MPPED1: variants seen among roughly 807,000 people sequenced by gnomAD.
MPPED1 encodes metallophosphoesterase domain-containing protein 1.
A neutral mutation model predicts 36.2 loss-of-function variants in MPPED1; 16 were observed. The ratio of observed to expected loss-of-function variants is 0.44; its 90% confidence interval spans 0.30 to 0.67. The LOEUF (loss-of-function observed/expected upper bound fraction) is 0.67, where lower values mean the gene tolerates loss of function less well. MPPED1 is among the 30% of genes least tolerant of loss of function. The pLI is 0.10. For missense variants in MPPED1, 307 were observed against 453.4 expected (o/e 0.68, Z 2.93); for synonymous variants, 199 against 191.3 (o/e 1.04, Z -0.33).
chr22:43,495,723 A>T (rs1184564297), intron 4 of MPPED1, among the ~76,000 whole-genome samples: 1 of 8,520 alleles, frequency 1.2e-4, no homozygotes, highest in Non-Finnish European at 1.8e-4. Flanking sequence ...GTGGTGGTGG[A>T]GGTGGTGGTG....
In MPPED1 at chr22:43,474,080, A is replaced by G. The variant is rs544715942; in HGVS notation, c.407-656A>G. 8.5e-5 allele frequency among the ~76,000 whole-genome samples: 13 copies of G among 152,320 alleles called. No homozygotes were observed. The highest frequency in any genetic ancestry group is 2.9e-4 in the African/African-American group (12 of 41,588). ...ATGTTTCCTGAGTGTGGGGTCTCCAAACATTTGAACTGGGCTCTGCAAAGA... is the reference window on the plus strand; with the variant it reads ...ATGTTTCCTGAGTGTGGGGTCTCCAGACATTTGAACTGGGCTCTGCAAAGA... On this transcript the variant is annotated intron_variant, in intron 3 of 6. Transcript: ENST00000443721. The surrounding 1 kb of genome is among the most constrained non-coding windows in gnomAD (Gnocchi z 5.2).
intron 3 of MPPED1, among the ~76,000 whole-genome samples, chr22:43,457,831 T>A (rs548547772): frequency 1.3e-5 from 2 of 152,352 alleles, no homozygotes; most frequent in Admixed American, 1.3e-4. Flanking sequence ...ATTATTGTCA[T>A]ACAAATTACA....
Position 43,505,792 on chromosome 22 carries a change from C to T in MPPED1, c.*176C>T. 1.7e-6 allele frequency: 1 copy of T among 588,078 alleles called. No homozygotes were observed. The highest frequency in any genetic ancestry group is 3.0e-6 in the Non-Finnish European group (1 of 328,616). 36.4% of individuals were successfully genotyped at this position (588,078 alleles called of 1,614,324 possible). A position where few individuals can be genotyped will look rare whatever the true frequency, so the allele number is the denominator to read the frequency against. On this transcript the variant is annotated 3_prime_UTR_variant, in exon 7 of 7. Coordinates refer to ENST00000443721, the MANE Select transcript of MPPED1 (RefSeq NM_001044370.2). ...GCCTTCTGTCACCTGGAGTTGGGAC[C>T]CTGCGCATCCCCATCAGGGGTTCTG...
At chr22:43,467,756 G>A (rs1459159593) in intron 3 of MPPED1, among the ~76,000 whole-genome samples, 1 of 152,158 alleles carries the variant, frequency 6.6e-6, no homozygotes, top group Non-Finnish European at 1.5e-5. Context: ...ATGGGCGGAA[G>A]AAGCCATAAG....
chr22:43,455,335 C>T (rs1224440091), intron 3 of MPPED1, among the ~76,000 whole-genome samples: 1 of 152,182 alleles, frequency 6.6e-6, no homozygotes, highest in Non-Finnish European at 1.5e-5. Context: ...GTCTCAAACT[C>T]CTGACCTCAG....
chr22:43,490,085 G>C (rs1278877734), intron 4 of MPPED1, among the ~76,000 whole-genome samples: 5 of 152,198 alleles, frequency 3.3e-5, no homozygotes, highest in Non-Finnish European at 5.9e-5. Flanking sequence ...GCAGAACTGG[G>C]GTGTCCGATG....
intron 5 of MPPED1, among the ~76,000 whole-genome samples, chr22:43,500,211 G>GTGGTGGTGATGGTGGTGGTGGTGA (rs1569091732): frequency 4.4e-5 from 2 of 45,284 alleles, no homozygotes; most frequent in Non-Finnish European, 9.8e-5. Flanking sequence ...AATGGAGGTG[G>GTGGTGGTGATGGTGGTGGTGGTGA]TGGGGGTGAT....
At chr22:43,435,368 G>A (rs1929921495) in intron 3 of MPPED1, among the ~76,000 whole-genome samples, 153 bp downstream of exon 3, 1 of 152,184 alleles carries the variant, frequency 6.6e-6, no homozygotes, top group South Asian at 2.1e-4. Context: ...ACCTCTCAGA[G>A]CAGGTGCCCC....
chr22:43,416,676 T>C (rs1929085128), intron 1 of MPPED1: 1 of 152,212 alleles, frequency 6.6e-6, no homozygotes, highest in South Asian at 2.1e-4. Flanking sequence ...TTCAACTCCA[T>C]AGATACGTGA....
At chr22:43,462,136 G>A (rs1930977425) in intron 3 of MPPED1, among the ~76,000 whole-genome samples, 1 of 152,162 alleles carries the variant, frequency 6.6e-6, no homozygotes, top group Non-Finnish European at 1.5e-5. Context: ...CCTTAATTGT[G>A]GCCCAGTTTG....
intron 5 of MPPED1, among the ~76,000 whole-genome samples, chr22:43,501,488 C>T (rs116225135): frequency 0.029 from 4,377 of 152,258 alleles, 213 homozygotes; most frequent in African/African-American, 0.1. Flanking sequence ...ACACACCGCC[C>T]GGCTCCTGTC....
At chr22:43,425,716 C>A (rs1929444933) in intron 2 of MPPED1, among the ~76,000 whole-genome samples, 1 of 152,260 alleles carries the variant, frequency 6.6e-6, no homozygotes, top group Non-Finnish European at 1.5e-5. Context: ...GGACACCAGT[C>A]TTGGGCTCTT....
Position 43,425,122 on chromosome 22 carries a change from A to G in MPPED1, c.137A>G (p.Glu46Gly), listed in dbSNP as rs897129915. The G allele has an allele frequency of 3.1e-6, 5 of 1,613,630 alleles. No individual in the cohort carries two copies. Among genetic ancestry groups the G allele is most frequent in the Non-Finnish European group, 4.2e-6 (5 of 1,179,860 alleles). ...CACCAGCACAGCCGGCTCATCATCGAGGTGGACGAGTACAGCTCCAACCCC... is the reference window on the plus strand; with the variant it reads ...CACCAGCACAGCCGGCTCATCATCGGGGTGGACGAGTACAGCTCCAACCCC... ...RRHQHSRLII[E>G]VDEYSSNPTQ... is the part of the protein sequence containing the mutation. The change falls in exon 2 of 7, where the codon GAG becomes GGG. Residue 46 changes from glutamate (E) to glycine (G), a missense_variant. Transcript: ENST00000443721.
At chr22:43,495,485 G>GTGGTGA (rs1932253826) in intron 4 of MPPED1, among the ~76,000 whole-genome samples, 1 of 32,404 alleles carries the variant, frequency 3.1e-5, no homozygotes, top group African/African-American at 3.4e-4. Context: ...GGAGGTGGTG[G>GTGGTGA]TGGAGGTAGT....
chr22:43,433,454 G>A (rs1038053918), intron 2 of MPPED1, among the ~76,000 whole-genome samples: 15 of 119,834 alleles, frequency 1.3e-4, no homozygotes, highest in African/African-American at 4.6e-4. Context: ...GAATGAGTGA[G>A]TGAATGAGTG....
chr22:43,448,571 A>T (rs537455839), intron 3 of MPPED1, among the ~76,000 whole-genome samples: 1 of 145,996 alleles, frequency 6.8e-6, no homozygotes, highest in African/African-American at 2.6e-5. Flanking sequence ...AGGCTCTTTT[A>T]AAATCTTTTT....
At chr22:43,423,338 T>A (rs1601946131) in intron 1 of MPPED1, among the ~76,000 whole-genome samples, 1 of 152,198 alleles carries the variant, frequency 6.6e-6, no homozygotes. Context: ...GGGCAGCAGT[T>A]ACAGACAAGA....
intron 1 of MPPED1, among the ~76,000 whole-genome samples, chr22:43,412,668 CCCATCCATCCATCCAT>C (rs59354174): frequency 1.3e-5 from 2 of 149,160 alleles, no homozygotes; most frequent in Non-Finnish European, 3.0e-5. Context: ...ATCCCTCCCT[CCCATCCATCCATCCAT>C]CCATCCATCC....
intron 3 of MPPED1, among the ~76,000 whole-genome samples, chr22:43,448,461 T>C (rs1213381638): frequency 1.3e-5 from 2 of 152,240 alleles, no homozygotes; most frequent in African/African-American, 4.8e-5. Context: ...GCTGTTGCTG[T>C]CTCTGCTTTG....
Sources: allele counts gnomAD v4.1 joint callset (sites outside exome capture counted in the v4.1 genomes callset), GRCh38; gene constraint gnomAD v4.1.1; non-coding constraint Gnocchi (gnomAD v3.1); transcripts MANE v1.5; gene names NCBI Gene and HGNC (gene_info 2026-07-23, HGNC 2026-07-21).